FGFR4: variants seen among roughly 807,000 people sequenced by gnomAD.
FGFR4 encodes hydroxyaryl-protein kinase.
FGFR4 carries 63 observed loss-of-function variants against 89.9 expected under a neutral mutation model. That is an observed-to-expected ratio of 0.70 (90% confidence interval 0.57 to 0.86). The LOEUF is 0.86. Among genes scored for constraint, FGFR4 ranks in the 40% least tolerant of loss-of-function variants. The pLI is 0.00. For missense variants in FGFR4, 928 were observed against 1,106.7 expected, an observed-to-expected ratio of 0.84 and a Z score of 2.29; for synonymous variants, 486 against 479.4, an observed-to-expected ratio of 1.01 and a Z score of -0.18.
chr5:177,095,817 T>A lies in FGFR4; in HGVS notation c.1821+94T>A. On this transcript the variant is annotated intron_variant, in intron 13 of 17. Transcript: ENST00000292408. The surrounding 1 kb of genome is among the most constrained non-coding windows in gnomAD (Gnocchi z 5.7). The stretch of plus-strand genomic sequence containing the variant: ...TGTCCCGACTTCTCCCTCTCTGCTC[T>A]TTTTCATGACCCCACCTCAGTGTCC... 1.5e-6 allele frequency: 2 copies of A among 1,351,840 alleles called. No homozygotes were observed. The highest frequency in any genetic ancestry group is 5.0e-5 in the East Asian group (2 of 39,748). The allele number at this position is 1,351,840 out of a possible 1,614,324, so 83.7% of individuals were successfully genotyped here. A position where few individuals can be genotyped will look rare whatever the true frequency, so the allele number is the denominator to read the frequency against.
chr5:177,096,171 A>C lies in FGFR4; in HGVS notation c.1936A>C (p.Thr646Pro). The change falls in exon 14 of 18, where the codon ACC becomes CCC. Residue 646 changes from threonine to proline, a missense_variant. This residue lies in a region of FGFR4 where 20 missense variants were observed against 17.3 expected (regional missense o/e 1.16). Coordinates refer to ENST00000292408, the MANE Select transcript of FGFR4 (RefSeq NM_213647.3). ...CCACCACATTGACTACTATAAGAAAACCAGCAACGTGAGGGAGATGGGGCA... is the reference window on the plus strand; with the variant it reads ...CCACCACATTGACTACTATAAGAAACCCAGCAACGTGAGGGAGATGGGGCA... ...GVHHIDYYKK[T>P]SNGRLPVKWM... The C allele has an allele frequency of 1.2e-6, 2 of 1,613,806 alleles. No individual in the cohort carries two copies. The highest frequency in any genetic ancestry group is 2.2e-5 in the South Asian group (2 of 91,056).
In FGFR4 at chr5:177,093,767, T is replaced by C. The variant is rs1404289962; in HGVS notation, c.1511T>C (p.Met504Thr). Reference protein sequence around the residue: ...PDQASTVAVKMLKDNASDKDL... With the variant: ...PDQASTVAVKTLKDNASDKDL... ...CAAGCCAGCACTGTGGCCGTCAAGA[T>C]GCTCAAAGGTGAGTGTGGCCCGGTG... The change falls in exon 11 of 18, where the codon ATG (methionine) becomes ACG (threonine). Residue 504 changes from methionine to threonine, a missense_variant. Physicochemically the swap from Met to Thr is moderately conservative, Grantham distance 81. Transcript: ENST00000292408. This position sits in a 1 kb window ranked among gnomAD's most constrained non-coding sequence, Gnocchi z 5.8. 11 of 1,612,256 alleles carry C rather than the reference T, an allele frequency of 6.8e-6. No homozygotes were observed. Among genetic ancestry groups the C allele is most frequent in the Non-Finnish European group, 7.6e-6 (9 of 1,179,344 alleles).
In FGFR4 at chr5:177,092,484, C is replaced by A. The variant is rs138464768; in HGVS notation, c.891C>A (p.Asp297Glu). ...IVINGSSFGADGFPYVQVLKT... is the reference protein window; with the variant it reads ...IVINGSSFGAEGFPYVQVLKT... ...TCAACGGCAGCAGCTTCGGAGCCGACGGTTTCCCCTATGTGCAAGTCCTAA... is the reference window on the plus strand; with the variant it reads ...TCAACGGCAGCAGCTTCGGAGCCGAAGGTTTCCCCTATGTGCAAGTCCTAA... Residue 297 changes from aspartate (D) to glutamate (E), a missense_variant, in exon 7 of 18, where the codon GAC (aspartate) becomes GAA (glutamate). Asp to Glu is a conservative substitution (Grantham distance 45). Coordinates refer to ENST00000292408, the MANE Select transcript of FGFR4 (RefSeq NM_213647.3). 2 of 1,592,076 alleles carry A rather than the reference C, an allele frequency of 1.3e-6. No individual in the cohort carries two copies. Among genetic ancestry groups the A allele is most frequent in the Non-Finnish European group, 1.7e-6 (2 of 1,168,788 alleles).
At chr5:177,096,920 C>T (rs4999891) in intron 16 of FGFR4, among the ~76,000 whole-genome samples, 179 bp downstream of exon 16, 3,134 of 38,368 alleles carry the variant, frequency 0.082, 63 homozygotes, top group East Asian at 0.31. Context: ...CCTCCTCTTC[C>T]TCCTCCTCCT....
intron 16 of FGFR4, 68 bp downstream of exon 16, chr5:177,096,809 C>G (rs1233431635): frequency 1.3e-6 from 2 of 1,535,656 alleles, no homozygotes; most frequent in Non-Finnish European, 8.8e-7. Context: ...ACCATGGCCT[C>G]AGGGTGTGTC....
At chr5:177,097,468 G>A (rs569468005) in intron 17 of FGFR4, 59 bp from the exon 18 acceptor site, 1 of 1,603,068 alleles carries the variant, frequency 6.2e-7, no homozygotes, top group African/African-American at 1.3e-5. Context: ...TGACCGCGTG[G>A]ACATGCGCCC....
At chr5:177,096,875 T>TTCCTCCTCCTCCTCC (rs539667448) in intron 16 of FGFR4, 134 bp downstream of exon 16, 32 of 617,036 alleles carry the variant, frequency 5.2e-5, no homozygotes, top group East Asian at 2.0e-4. Context: ...CCTCTTCCTC[T>TTCCTCCTCCTCCTCC]TCCTCCTCCT....
Position 177,096,161 on chromosome 5 carries a change from C to T in FGFR4, c.1926C>T (p.Tyr642=). The T allele has an allele frequency of 6.2e-7, 1 of 1,614,024 alleles. No individual in the cohort carries two copies. Among genetic ancestry groups the T allele is most frequent in the Non-Finnish European group, 8.5e-7 (1 of 1,179,950 alleles). ...CCCGCGGCGTCCACCACATTGACTA[C>T]TATAAGAAAACCAGCAACGTGAGGG... is the stretch of plus-strand genomic sequence containing the variant. ...GLARGVHHID[Y]YKKTSNGRLP... is the part of the protein sequence containing the mutation. Residue 642 remains tyrosine (Y), a synonymous_variant, in exon 14 of 18, where the codon TAC becomes TAT. Coordinates refer to ENST00000292408, the MANE Select transcript of FGFR4 (RefSeq NM_213647.3).
intron 4 of FGFR4, 49 bp from the exon 5 acceptor site, chr5:177,090,889 C>G (rs1019188558): frequency 6.2e-7 from 1 of 1,613,960 alleles, no homozygotes; most frequent in East Asian, 2.2e-5. Flanking sequence ...GAAGAGGAGG[C>G]CTGTGTGGGA....
In FGFR4 at chr5:177,097,832, C is replaced by T. The variant is rs1332482516; in HGVS notation, c.*156C>T. ...GCCGTGCCCTTGCCCTTGGAGCTGC[C>T]GTGCCTGTGTCCTGATGGCCCAAAT... On this transcript the variant is annotated 3_prime_UTR_variant, in exon 18 of 18. Coordinates refer to ENST00000292408, the MANE Select transcript of FGFR4 (RefSeq NM_213647.3). 5 of 895,056 alleles carry T rather than the reference C, an allele frequency of 5.6e-6. No individual in the cohort carries two copies. The highest frequency in any genetic ancestry group is 2.7e-5 in the East Asian group (1 of 36,794). 55.4% of individuals were successfully genotyped at this position (895,056 alleles called of 1,614,324 possible). A position where few individuals can be genotyped will look rare whatever the true frequency, so the allele number is the denominator to read the frequency against.
chr5:177,097,636 G>T lies in FGFR4; in HGVS notation c.2369G>T (p.Gly790Val). The T allele has an allele frequency of 6.2e-7, 1 of 1,614,178 alleles. No individual in the cohort carries two copies. The highest frequency in any genetic ancestry group is 8.5e-7 in the Non-Finnish European group (1 of 1,180,030). The change falls in exon 18 of 18, where the codon GGA becomes GTA. Residue 790 changes from glycine (G) to valine (V), a missense_variant. Coordinates refer to ENST00000292408, the MANE Select transcript of FGFR4 (RefSeq NM_213647.3). ...TTCAGCCACGACCCCCTGCCATTGG[G>T]ATCCAGCTCCTTCCCCTTCGGGTCT... ...SVFSHDPLPL[G>V]SSSFPFGSGV...
Position 177,091,174 on chromosome 5 carries a change from A to G in FGFR4, c.603+70A>G. ...CCTTCATCAGTCCCCTCATACCTAC[A>G]AGCATACCTATAAATCAATCGAATG... On this transcript the variant is annotated intron_variant, in intron 5 of 17. Coordinates refer to ENST00000292408, the MANE Select transcript of FGFR4 (RefSeq NM_213647.3). 2.7e-6 allele frequency: 4 copies of G among 1,464,898 alleles called. No individual in the cohort carries two copies. In the South Asian group the frequency reaches 5.5e-5, roughly 20 times the overall value. 90.7% of individuals were successfully genotyped at this position (1,464,898 alleles called of 1,614,324 possible).
In FGFR4 at chr5:177,093,693, C is replaced by T. The variant is rs2149736225; in HGVS notation, c.1437C>T (p.Gly479=). 2 of 1,614,208 alleles carry T rather than the reference C, an allele frequency of 1.2e-6. No individual in the cohort carries two copies. The highest frequency in any genetic ancestry group is 1.7e-6 in the Non-Finnish European group (2 of 1,180,036). Residue 479 remains glycine (G), a synonymous_variant, in exon 11 of 18, where the codon GGC becomes GGT. Coordinates refer to ENST00000292408, the MANE Select transcript of FGFR4 (RefSeq NM_213647.3). This position sits in a 1 kb window ranked among gnomAD's most constrained non-coding sequence, Gnocchi z 5.8. Reference sequence around the variant, plus strand: ...AGCCCCTAGGCGAGGGCTGCTTTGGCCAGGTAGTACGTGCAGAGGCCTTTG... The same window carrying T: ...AGCCCCTAGGCGAGGGCTGCTTTGGTCAGGTAGTACGTGCAGAGGCCTTTG... ...LGKPLGEGCF[G]QVVRAEAFGM... is the part of the protein sequence containing the mutation.
At position 177,090,494 on chromosome 5, in the gene FGFR4, T is replaced by G; in HGVS notation, c.196T>G (p.Trp66Gly). ...TGGGCGGGCTGAGCGTGGTGGCCAC[T>G]GGTACAAGGAGGGCAGTCGCCTGGC... ...CCGRAERGGH[W>G]YKEGSRLAPA... The change falls in exon 3 of 18, where the codon TGG becomes GGG. Residue 66 changes from tryptophan to glycine, a missense_variant. Coordinates refer to ENST00000292408, the MANE Select transcript of FGFR4 (RefSeq NM_213647.3). The G allele has an allele frequency of 6.3e-7, 1 of 1,582,104 alleles. No homozygotes were observed. The highest frequency in any genetic ancestry group is 1.2e-5 in the South Asian group (1 of 85,844).
At chr5:177,096,404 G>A (rs755881407) in intron 15 of FGFR4, 47 bp downstream of exon 15, 5 of 1,608,224 alleles carry the variant, frequency 3.1e-6, no homozygotes, top group Non-Finnish European at 4.3e-6. Context: ...AAAGGGCAAG[G>A]CACTGCCCAA....
Position 177,095,188 on chromosome 5 carries a change from T to G in FGFR4, c.1520-142T>G. 7.1e-6 allele frequency: 5 copies of G among 704,448 alleles called. No individual in the cohort carries two copies. The highest frequency in any genetic ancestry group is 1.3e-5 in the Non-Finnish European group (5 of 397,030). 43.6% of individuals were successfully genotyped at this position (704,448 alleles called of 1,614,324 possible). On this transcript the variant is annotated intron_variant, in intron 11 of 17. Coordinates refer to ENST00000292408, the MANE Select transcript of FGFR4 (RefSeq NM_213647.3). This position sits in a 1 kb window ranked among gnomAD's most constrained non-coding sequence, Gnocchi z 5.7. ...GAGGTTCAGAGACGCTAGGAGACTT[T>G]TTCAAGGCCACACAGCCTAGCAAGG...
In FGFR4 at chr5:177,087,505, G is replaced by T; in HGVS notation, c.-54+428G>T. 1.1e-6 allele frequency: 1 copy of T among 894,286 alleles called. No individual in the cohort carries two copies. The highest frequency in any genetic ancestry group is 1.3e-6 in the Non-Finnish European group (1 of 746,796). 55.4% of individuals were successfully genotyped at this position (894,286 alleles called of 1,614,324 possible). A position where few individuals can be genotyped will look rare whatever the true frequency, so the allele number is the denominator to read the frequency against. On this transcript the variant is annotated intron_variant, in intron 1 of 17. Transcript: ENST00000292408. The surrounding 1 kb of genome is among the most constrained non-coding windows in gnomAD (Gnocchi z 6.1). ...CCGGGGGCCTCCAGCGCGAGTGCGG[G>T]AGGCTGAAGGAGAACCCAGGACTGT...
chr5:177,096,356 G>A lies in FGFR4; in HGVS notation c.2014G>A (p.Val672Met), dbSNP rs775373903. The A allele has an allele frequency of 7.4e-6, 12 of 1,613,840 alleles. 1 individual carries two copies. The highest frequency in any genetic ancestry group is 2.7e-5 in the African/African-American group (2 of 74,932). The change falls in exon 15 of 18, where the codon GTG becomes ATG. Residue 672 changes from valine (V) to methionine (M), a missense_variant and splice_region_variant. By Grantham distance (21) the Val-to-Met change is conservative. Coordinates refer to ENST00000292408, the MANE Select transcript of FGFR4 (RefSeq NM_213647.3). ...FDRVYTHQSD[V>M]WSFGILLWEI... is the part of the protein sequence containing the mutation. ...CCGGGTGTACACACACCAGAGTGAC[G>A]TGTGAGTCCTGCCGGCGGTCACTGT...
chr5:177,090,290 C>G (rs774985467), intron 2 of FGFR4, 100 bp from the exon 3 acceptor site: 2 of 1,560,404 alleles, frequency 1.3e-6, no homozygotes, highest in African/African-American at 1.3e-5. Context: ...GCATGCGTTG[C>G]AAAGTGCTTG....
Sources: gnomAD v4.1 joint callset for allele counts (sites outside exome capture counted in the v4.1 genomes callset) on GRCh38, gnomAD v4.1.1 for gene constraint, gnomAD v4.1.1 regional missense constraint, Gnocchi (gnomAD v3.1) non-coding constraint, MANE v1.5 for transcripts, NCBI Gene and HGNC (gene_info 2026-07-23, HGNC 2026-07-21) for gene names.